NPAS3: variants seen among roughly 807,000 people sequenced by gnomAD.
The protein encoded by NPAS3 is neuronal PAS domain-containing protein 3.
Under a neutral mutation model 73.1 loss-of-function variants are expected in NPAS3, and 14 were observed. The ratio of observed to expected loss-of-function variants is 0.19; its 90% confidence interval spans 0.13 to 0.30. NPAS3 has a LOEUF of 0.30. NPAS3 is among the 10% of genes least tolerant of loss of function. The pLI, the probability that NPAS3 is intolerant of heterozygous loss-of-function variation, is 1.00. For missense variants in NPAS3, 1,096 were observed against 1,250.0 expected (o/e 0.88, Z 1.86); for synonymous variants, 620 against 541.5 (o/e 1.14, Z -2.01).
intron 4 of NPAS3, among the ~76,000 whole-genome samples, chr14:33,538,475 A>G (rs1343585387): frequency 2.0e-5 from 3 of 152,224 alleles, no homozygotes; most frequent in Non-Finnish European, 2.9e-5. Context: ...CAGAAGAGTA[A>G]AGTAATTCCT....
chr14:33,137,421 GATT>G (rs1378768800), intron 2 of NPAS3, among the ~76,000 whole-genome samples: 8 of 152,088 alleles, frequency 5.3e-5, no homozygotes, highest in African/African-American at 1.9e-4. Context: ...CATCAACTAA[GATT>G]ATTATTATTT....
chr14:33,282,914 C>T (rs529790337), intron 3 of NPAS3, among the ~76,000 whole-genome samples: 7 of 152,122 alleles, frequency 4.6e-5, no homozygotes, highest in Admixed American at 4.6e-4. Flanking sequence ...TGCCTTGATT[C>T]AAAGACTACA....
intron 1 of NPAS3, among the ~76,000 whole-genome samples, chr14:33,049,197 A>C (rs2040616300): frequency 6.6e-6 from 1 of 152,256 alleles, no homozygotes; most frequent in South Asian, 2.1e-4. Context: ...GAGTGAATTC[A>C]TAGTTATAAT....
chr14:33,638,427 G>T (rs192051772), intron 5 of NPAS3, among the ~76,000 whole-genome samples: 1 of 152,146 alleles, frequency 6.6e-6, no homozygotes, highest in Non-Finnish European at 1.5e-5. Context: ...TACTATCTAC[G>T]TGATGTTGGA....
At chr14:32,971,704 C>A (rs1352029310) in intron 1 of NPAS3, among the ~76,000 whole-genome samples, 1 of 151,936 alleles carries the variant, frequency 6.6e-6, no homozygotes, top group African/African-American at 2.4e-5. Context: ...GACTAATATC[C>A]ATATATAGTA....
intron 3 of NPAS3, among the ~76,000 whole-genome samples, chr14:33,254,480 C>T (rs977012420): frequency 2.0e-5 from 3 of 152,062 alleles, no homozygotes; most frequent in Admixed American, 6.6e-5. Flanking sequence ...TCCTATCAGC[C>T]TGTGTACATT....
intron 9 of NPAS3, among the ~76,000 whole-genome samples, chr14:33,783,317 CT>C (rs1442919223): frequency 2.0e-5 from 3 of 152,172 alleles, no homozygotes; most frequent in Non-Finnish European, 4.4e-5. Context: ...CTCAGCCTTT[CT>C]TCAGGGGTGG....
Position 33,114,316 on chromosome 14 carries a change from G to C in NPAS3, c.140+58322G>C, listed in dbSNP as rs116988838. Among the ~76,000 whole-genome samples the C allele has an allele frequency of 1.3e-3, 192 of 152,218 alleles. 6 individuals carry two copies. The East Asian group carries it at 0.031, about 24-fold the overall frequency. ...CTCCCACATTGCTGGGATTATAGGCGTGAACTACCATGCCCAGCCTAGTTC... is the reference window on the plus strand; with the variant it reads ...CTCCCACATTGCTGGGATTATAGGCCTGAACTACCATGCCCAGCCTAGTTC... On this transcript the variant is annotated intron_variant, in intron 2 of 11. Transcript: ENST00000356141.
At chr14:33,499,436 A>G (rs1301603768) in intron 4 of NPAS3, among the ~76,000 whole-genome samples, 6 of 151,940 alleles carry the variant, frequency 3.9e-5, no homozygotes, top group Admixed American at 3.9e-4. Flanking sequence ...CACAGTGCTT[A>G]AAGATATCAT....
At chr14:33,011,815 A>G (rs2039207562) in intron 1 of NPAS3, among the ~76,000 whole-genome samples, 1 of 152,064 alleles carries the variant, frequency 6.6e-6, no homozygotes, top group Non-Finnish European at 1.5e-5. Flanking sequence ...TTCTAATTGC[A>G]GGCTGTGAGA....
intron 2 of NPAS3, among the ~76,000 whole-genome samples, chr14:33,080,209 A>T (rs578035594): frequency 6.6e-6 from 1 of 151,396 alleles, no homozygotes; most frequent in African/African-American, 2.4e-5. Flanking sequence ...CGGGGTTCAC[A>T]CCATTCTCCT....
intron 2 of NPAS3, among the ~76,000 whole-genome samples, chr14:33,069,437 A>G (rs867363995): frequency 1.2e-4 from 18 of 152,332 alleles, no homozygotes; most frequent in Admixed American, 1.0e-3. Context: ...TTAAAGGCCA[A>G]TGATTGCCTT....
At chr14:33,672,000 A>C (rs762376692) in intron 5 of NPAS3, among the ~76,000 whole-genome samples, 4 of 152,194 alleles carry the variant, frequency 2.6e-5, no homozygotes, top group Admixed American at 6.5e-5. Flanking sequence ...AATTTCTCTA[A>C]ATTTCTACTA....
chr14:33,243,362 CT>C (rs913708894), intron 3 of NPAS3, among the ~76,000 whole-genome samples: 42 of 149,416 alleles, frequency 2.8e-4, no homozygotes, highest in African/African-American at 6.1e-4. Context: ...TATATCAAGA[CT>C]TTTTTTTTTG....
intron 2 of NPAS3, among the ~76,000 whole-genome samples, chr14:33,180,410 C>T (rs1052665112): frequency 6.6e-6 from 1 of 152,046 alleles, no homozygotes; most frequent in African/African-American, 2.4e-5. Flanking sequence ...CCGAGATTTG[C>T]GTTTTTTATT....
chr14:33,740,573 G>T (rs555299429), intron 7 of NPAS3, among the ~76,000 whole-genome samples: 1 of 152,234 alleles, frequency 6.6e-6, no homozygotes, highest in African/African-American at 2.4e-5. Context: ...ACATGTGACT[G>T]TTGGAATAGC....
intron 3 of NPAS3, among the ~76,000 whole-genome samples, chr14:33,256,343 G>A (rs1203713516): frequency 6.6e-6 from 1 of 152,112 alleles, no homozygotes; most frequent in East Asian, 1.9e-4. Flanking sequence ...TTTTGAGGGA[G>A]AGCATAAATA....
At chr14:33,638,534 A>G (rs1433171420) in intron 5 of NPAS3, among the ~76,000 whole-genome samples, 1 of 152,232 alleles carries the variant, frequency 6.6e-6, no homozygotes, top group Non-Finnish European at 1.5e-5. Flanking sequence ...ATTAAATGAT[A>G]AATCATATAC....
intron 1 of NPAS3, among the ~76,000 whole-genome samples, chr14:33,051,861 G>A (rs557371638): frequency 6.6e-5 from 10 of 152,282 alleles, no homozygotes; most frequent in Admixed American, 1.3e-4. Flanking sequence ...CCGGGTTCAA[G>A]CGATTCTCCT....
Sources: gnomAD v4.1 joint callset for allele counts (sites outside exome capture counted in the v4.1 genomes callset) on GRCh38, gnomAD v4.1.1 for gene constraint, MANE v1.5 for transcripts, NCBI Gene and HGNC (gene_info 2026-07-23, HGNC 2026-07-21) for gene names.